Variants in CLEC16A observed in about 807,000 individuals in gnomAD.
CLEC16A encodes the protein protein CLEC16A.
In CLEC16A, 51 loss-of-function variants were observed where a neutral mutation model predicts 109.5. The observed-to-expected ratio is 0.47, with a 90% CI of 0.37 to 0.59. CLEC16A has a LOEUF of 0.59. Among genes scored for constraint, CLEC16A ranks in the 20% least tolerant of loss-of-function variants. CLEC16A has a pLI of 0.00. For missense variants in CLEC16A, 1,339 were observed against 1,394.0 expected (o/e 0.96, Z 0.63); for synonymous variants, 673 against 564.2 (o/e 1.19, Z -2.73).
intron 11 of CLEC16A, among the ~76,000 whole-genome samples, chr16:11,009,111 C>T (rs926274848): frequency 6.6e-6 from 1 of 152,214 alleles, no homozygotes; most frequent in Non-Finnish European, 1.5e-5. Context: ...TAATAACTCC[C>T]CACCCCACCC....
intron 22 of CLEC16A, among the ~76,000 whole-genome samples, chr16:11,152,574 C>G (rs767909063): frequency 6.6e-6 from 1 of 152,180 alleles, no homozygotes; most frequent in South Asian, 2.1e-4. Context: ...CCTCTGTTGT[C>G]TAGAAGCTGA....
intron 22 of CLEC16A, among the ~76,000 whole-genome samples, chr16:11,143,598 C>T (rs752405720): frequency 1.5e-4 from 23 of 152,186 alleles, no homozygotes; most frequent in Non-Finnish European, 2.5e-4. Flanking sequence ...CTGCATCTGC[C>T]GTCCAGCAGA....
Position 11,164,690 on chromosome 16 carries a change from C to T in CLEC16A, c.2642-1698C>T, listed in dbSNP as rs1486629509. ...TGGTCGCTATGGCAACTGCTCAACTCTGCCGCTGATCGAGAAAGCAGCCAT... is the reference window on the plus strand; with the variant it reads ...TGGTCGCTATGGCAACTGCTCAACTTTGCCGCTGATCGAGAAAGCAGCCAT... On this transcript the variant is annotated intron_variant, in intron 22 of 23. Transcript: ENST00000409790. Among the ~76,000 whole-genome samples the T allele has an allele frequency of 5.3e-5, 8 of 152,266 alleles. 1 individual carries two copies. In the East Asian group the frequency reaches 1.2e-3, roughly 22 times the overall value.
At chr16:11,050,146 G>A (rs746542725) in intron 17 of CLEC16A, among the ~76,000 whole-genome samples, 27 of 152,204 alleles carry the variant, frequency 1.8e-4, no homozygotes, top group African/African-American at 4.8e-4. Flanking sequence ...GGTAGAATGC[G>A]AAAGGGCAAG....
chr16:11,030,089 C>T (rs1265323355), intron 13 of CLEC16A, among the ~76,000 whole-genome samples: 3 of 152,120 alleles, frequency 2.0e-5, no homozygotes, highest in Non-Finnish European at 4.4e-5. Flanking sequence ...AGTAACATTC[C>T]ATTATATGAA....
At chr16:11,021,015 G>A (rs1025966798) in intron 12 of CLEC16A, among the ~76,000 whole-genome samples, 3 of 152,180 alleles carry the variant, frequency 2.0e-5, no homozygotes, top group African/African-American at 7.2e-5. Flanking sequence ...CCCTGCAACA[G>A]CCTCCTGATT....
At chr16:11,077,694 G>C (rs1597310862) in intron 19 of CLEC16A, among the ~76,000 whole-genome samples, 1 of 152,132 alleles carries the variant, frequency 6.6e-6, no homozygotes, top group African/African-American at 2.4e-5. Context: ...TAAGACTTAA[G>C]AACTCTGGTG....
At chr16:11,056,276 G>T (rs543762584) in intron 18 of CLEC16A, among the ~76,000 whole-genome samples, 2 of 152,306 alleles carry the variant, frequency 1.3e-5, no homozygotes, top group South Asian at 4.2e-4. Flanking sequence ...GGAACCTCAG[G>T]TCCCTCGTGG....
At chr16:11,094,659 G>T (rs1018953485) in intron 19 of CLEC16A, among the ~76,000 whole-genome samples, 1 of 151,910 alleles carries the variant, frequency 6.6e-6, no homozygotes, top group African/African-American at 2.4e-5. Flanking sequence ...CTTTTTTCCT[G>T]TGGGGCCCTG....
chr16:10,950,352 G>A (rs181807054), intron 1 of CLEC16A, among the ~76,000 whole-genome samples: 25 of 152,300 alleles, frequency 1.6e-4, no homozygotes, highest in Admixed American at 1.6e-3. Context: ...CAGGATGAAC[G>A]AGAGGCAGAC....
chr16:11,027,193 A>G (rs1238910811), intron 13 of CLEC16A: 83 of 1,395,338 alleles, frequency 5.9e-5, no homozygotes, highest in Middle Eastern at 1.9e-4. Context: ...TCATTCCTAC[A>G]TGATTACTGG....
At chr16:11,132,522 G>C (rs532340805) in intron 22 of CLEC16A, among the ~76,000 whole-genome samples, 1 of 152,042 alleles carries the variant, frequency 6.6e-6, no homozygotes, top group Non-Finnish European at 1.5e-5. Context: ...GCGAACATTC[G>C]TGCACAAGCT....
At chr16:11,020,058 A>C (rs2046002925) in intron 11 of CLEC16A, 135 bp from the exon 12 acceptor site, 1 of 959,732 alleles carries the variant, frequency 1.0e-6, no homozygotes, top group Non-Finnish European at 1.5e-6. Context: ...TCTGGTGTTC[A>C]GGTCGCTGCT....
At chr16:11,026,490 G>A (rs1280599710) in intron 13 of CLEC16A, among the ~76,000 whole-genome samples, 2 of 152,114 alleles carry the variant, frequency 1.3e-5, no homozygotes, top group Non-Finnish European at 2.9e-5. Flanking sequence ...TGTAGGATCT[G>A]TAGTGATGTT....
At chr16:11,060,817 C>A in intron 18 of CLEC16A, 85 bp from the exon 19 acceptor site, 1 of 1,334,706 alleles carries the variant, frequency 7.5e-7, no homozygotes, top group South Asian at 1.7e-5. Context: ...AATAGAGAGT[C>A]ATGGTGTCAT....
chr16:11,153,624 T>A (rs1366896517), intron 22 of CLEC16A, among the ~76,000 whole-genome samples: 2 of 151,238 alleles, frequency 1.3e-5, no homozygotes, highest in Non-Finnish European at 2.9e-5. Context: ...AATCAATTCC[T>A]CCTTTCTTCT....
chr16:11,067,682 A>T (rs2048847852), intron 19 of CLEC16A, among the ~76,000 whole-genome samples: 1 of 152,170 alleles, frequency 6.6e-6, no homozygotes, highest in Non-Finnish European at 1.5e-5. Flanking sequence ...CTCTGGCCTC[A>T]GTGGAAGAGA....
intron 22 of CLEC16A, among the ~76,000 whole-genome samples, chr16:11,161,490 C>T (rs1218420520): frequency 6.6e-6 from 1 of 152,196 alleles, no homozygotes; most frequent in African/African-American, 2.4e-5. Context: ...GAGGACTGAC[C>T]TAGGCTGCTG....
intron 10 of CLEC16A, among the ~76,000 whole-genome samples, chr16:10,997,543 T>C (rs2044403330): frequency 6.6e-6 from 1 of 152,234 alleles, no homozygotes; most frequent in Non-Finnish European, 1.5e-5. Context: ...CTCTTAACTA[T>C]TCTTAAGTGT....
Sources: allele counts gnomAD v4.1 joint callset (sites outside exome capture counted in the v4.1 genomes callset), GRCh38; gene constraint gnomAD v4.1.1; transcripts MANE v1.5; gene names NCBI Gene and HGNC (gene_info 2026-07-23, HGNC 2026-07-21).